Variants in PHLPP1 observed in about 807,000 individuals in gnomAD.
PHLPP1 encodes the protein PH domain leucine-rich repeat-containing protein phosphatase 1.
Under a neutral mutation model 117.2 loss-of-function variants are expected in PHLPP1, and 42 were observed. The ratio of observed to expected loss-of-function variants is 0.36; its 90% CI spans 0.28 to 0.46. PHLPP1 has a LOEUF of 0.46. PHLPP1 is among the 20% of genes least tolerant of loss of function. PHLPP1 has a pLI of 1.00. For missense variants in PHLPP1, 2,084 were observed against 2,241.9 expected (o/e 0.93, Z 1.42); for synonymous variants, 1,042 against 970.7 (o/e 1.07, Z -1.37).
intron 4 of PHLPP1, among the ~76,000 whole-genome samples, chr18:62,878,003 G>T (rs1916090568): frequency 6.6e-6 from 1 of 152,294 alleles, no homozygotes; most frequent in Admixed American, 6.5e-5. Context: ...AGGGAGAGAG[G>T]CTGGTATCTT....
At chr18:62,951,908 G>A (rs1158242702) in intron 12 of PHLPP1, among the ~76,000 whole-genome samples, 1 of 149,266 alleles carries the variant, frequency 6.7e-6, no homozygotes, top group African/African-American at 2.5e-5. Context: ...TCTGCCTCCC[G>A]GGTTCACGCC....
intron 1 of PHLPP1, among the ~76,000 whole-genome samples, chr18:62,772,208 A>G (rs1264155117): frequency 6.6e-6 from 1 of 152,206 alleles, no homozygotes; most frequent in African/African-American, 2.4e-5. Context: ...TTAGTCTGAA[A>G]CTCTTCTGGA....
intron 8 of PHLPP1, among the ~76,000 whole-genome samples, chr18:62,912,950 G>A (rs777117171): frequency 5.3e-5 from 8 of 152,178 alleles, no homozygotes; most frequent in Non-Finnish European, 8.8e-5. Context: ...TAGTCATAGA[G>A]TTAAACTACT....
chr18:62,773,990 T>C (rs1413407892), intron 1 of PHLPP1, among the ~76,000 whole-genome samples: 1 of 152,172 alleles, frequency 6.6e-6, no homozygotes, highest in South Asian at 2.1e-4. Context: ...CATGAGTGCT[T>C]TGCCCTCACA....
At chr18:62,903,218 C>T (rs1468837302) in intron 7 of PHLPP1, 52 bp downstream of exon 7, 9 of 1,174,442 alleles carry the variant, frequency 7.7e-6, no homozygotes, top group African/African-American at 7.5e-5. Context: ...AGGAATTTAC[C>T]CAGCATCATT....
chr18:62,722,552 G>A (rs753805745), intron 1 of PHLPP1, among the ~76,000 whole-genome samples: 7 of 151,994 alleles, frequency 4.6e-5, no homozygotes, highest in Non-Finnish European at 8.8e-5. Context: ...TTAATCACAT[G>A]CATCTGGTGG....
chr18:62,716,406 C>T lies in PHLPP1; in HGVS notation c.723C>T (p.Gly241=). 2 of 1,475,758 alleles carry T rather than the reference C, an allele frequency of 1.4e-6. No individual in the cohort carries two copies. The highest frequency in any genetic ancestry group is 9.0e-7 in the Non-Finnish European group (1 of 1,117,224). 91.4% of individuals were successfully genotyped at this position (1,475,758 alleles called of 1,614,324 possible). A position where few individuals can be genotyped will look rare whatever the true frequency, so the allele number is the denominator to read the frequency against. Residue 241 remains glycine, a synonymous_variant, in exon 1 of 17, where the codon GGC becomes GGT. Coordinates refer to ENST00000262719, the MANE Select transcript of PHLPP1 (RefSeq NM_194449.4). The surrounding 1 kb of genome is among the most constrained non-coding windows in gnomAD (Gnocchi z 5.7). ...AARLLQLGHK[G]GGVVKVLGQG... ...GCCTGCTGCAGCTGGGCCACAAAGG[C>T]GGCGGCGTGGTGAAGGTGCTGGGCC...
At chr18:62,731,820 G>A (rs779189981) in intron 1 of PHLPP1, among the ~76,000 whole-genome samples, 8 of 152,166 alleles carry the variant, frequency 5.3e-5, no homozygotes, top group African/African-American at 7.2e-5. Context: ...TATGGAGAAC[G>A]TTTTAGTGGT....
rs1007830267 is a variant in PHLPP1 at position 62,980,404 on chromosome 18, T to G, written c.*973T>G. On this transcript the variant is annotated 3_prime_UTR_variant, in exon 17 of 17. Coordinates refer to ENST00000262719, the MANE Select transcript of PHLPP1 (RefSeq NM_194449.4). ...TGCACAAATGGACATGTCATAATTT[T>G]TGTTACAATAAATATGAAATTTACA... The G allele has an allele frequency of 6.6e-6, 1 of 152,664 alleles. No individual in the cohort carries two copies. The highest frequency in any genetic ancestry group is 2.4e-5 in the African/African-American group (1 of 41,458). The allele number at this position is 152,664 out of a possible 1,614,324, so 9.5% of individuals were successfully genotyped here. A position where few individuals can be genotyped will look rare whatever the true frequency, so the allele number is the denominator to read the frequency against.
At chr18:62,949,074 ACT>A (rs1304476956) in intron 12 of PHLPP1, among the ~76,000 whole-genome samples, 2 of 152,154 alleles carry the variant, frequency 1.3e-5, no homozygotes, top group African/African-American at 4.8e-5. Context: ...TGAGTTAATA[ACT>A]CTAGATTACA....
intron 12 of PHLPP1, among the ~76,000 whole-genome samples, chr18:62,949,191 A>G (rs1271131763): frequency 6.6e-6 from 1 of 152,244 alleles, no homozygotes; most frequent in Non-Finnish European, 1.5e-5. Context: ...AACATTTCAG[A>G]AAAGATAAGA....
chr18:62,861,093 A>G (rs527791825), intron 4 of PHLPP1, among the ~76,000 whole-genome samples: 1 of 152,218 alleles, frequency 6.6e-6, no homozygotes, highest in Non-Finnish European at 1.5e-5. Flanking sequence ...TCACATGTTA[A>G]ATAAATAGAA....
chr18:62,794,558 A>G (rs1205914576), intron 1 of PHLPP1, among the ~76,000 whole-genome samples: 2 of 151,972 alleles, frequency 1.3e-5, no homozygotes, highest in Non-Finnish European at 1.5e-5. Flanking sequence ...TTCTTTTTTT[A>G]GAGATAGGAT....
intron 3 of PHLPP1, among the ~76,000 whole-genome samples, chr18:62,849,838 T>TATAA (rs1915291744): frequency 1.1e-5 from 1 of 92,320 alleles, no homozygotes; most frequent in Non-Finnish European, 2.1e-5. Flanking sequence ...AAAAAATATA[T>TATAA]ATATCCTTTA....
At chr18:62,814,468 A>C (rs1914208143) in intron 1 of PHLPP1, among the ~76,000 whole-genome samples, 1 of 152,192 alleles carries the variant, frequency 6.6e-6, no homozygotes. Flanking sequence ...ACCCTAGGCA[A>C]GTAATTTAAT....
intron 2 of PHLPP1, among the ~76,000 whole-genome samples, chr18:62,836,019 G>C (rs1914885548): frequency 6.6e-6 from 1 of 151,708 alleles, no homozygotes; most frequent in South Asian, 2.1e-4. Context: ...GACCTCAAAT[G>C]ATTCGCCTGC....
intron 1 of PHLPP1, among the ~76,000 whole-genome samples, chr18:62,732,589 G>A (rs1911257122): frequency 6.6e-6 from 1 of 152,134 alleles, no homozygotes; most frequent in Admixed American, 6.5e-5. Context: ...GTACTCCATG[G>A]ATCAAGGAGT....
At chr18:62,864,820 G>A (rs1315335438) in intron 4 of PHLPP1, among the ~76,000 whole-genome samples, 1 of 152,144 alleles carries the variant, frequency 6.6e-6, no homozygotes, top group Non-Finnish European at 1.5e-5. Flanking sequence ...GAGATCACTG[G>A]TTGGTTCACA....
chr18:62,778,878 G>A (rs982008136), intron 1 of PHLPP1, among the ~76,000 whole-genome samples: 1 of 152,166 alleles, frequency 6.6e-6, no homozygotes, highest in African/African-American at 2.4e-5. Context: ...ATTATGCTTT[G>A]GAAATATTTT....
Sources: allele counts gnomAD v4.1 joint callset (sites outside exome capture counted in the v4.1 genomes callset), GRCh38; gene constraint gnomAD v4.1.1; non-coding constraint Gnocchi (gnomAD v3.1); transcripts MANE v1.5; gene names NCBI Gene and HGNC (gene_info 2026-07-23, HGNC 2026-07-21).